ADAM23: variants seen among roughly 807,000 people sequenced by gnomAD.
ADAM23 encodes ADAM metallopeptidase domain 23, also known as disintegrin and metalloproteinase domain-containing protein 23.
A neutral mutation model predicts 120.1 loss-of-function variants in ADAM23; 33 were observed. The observed-to-expected ratio is 0.27, with a 90% CI of 0.21 to 0.37. The LOEUF (loss-of-function observed/expected upper bound fraction) is 0.37, where lower values mean the gene tolerates loss of function less well. ADAM23 is among the 10% of genes least tolerant of loss of function. The pLI is 1.00. For synonymous variants in ADAM23, 367 were observed against 375.2 expected (o/e 0.98, Z 0.25); for missense variants, 862 against 1,058.2 (o/e 0.81, Z 2.57).
Position 206,595,018 on chromosome 2 carries a change from T to A in ADAM23, c.2247+113T>A, listed in dbSNP as rs1698497187. 30 of 1,386,068 alleles carry A rather than the reference T, an allele frequency of 2.2e-5. No homozygotes were observed. The South Asian group carries it at 2.4e-4, about 11-fold the overall frequency. 85.9% of individuals were successfully genotyped at this position (1,386,068 alleles called of 1,614,324 possible). A position where few individuals can be genotyped will look rare whatever the true frequency, so the allele number is the denominator to read the frequency against. On this transcript the variant is annotated intron_variant, in intron 23 of 25. Coordinates refer to ENST00000264377, the MANE Select transcript of ADAM23 (RefSeq NM_003812.4). ...CAACATGGTGAAACACCATCTCTAC[T>A]AAAAATGCAAAAAATAGCTGGGCGT...
chr2:206,539,708 T>C (rs1361844264), intron 4 of ADAM23, among the ~76,000 whole-genome samples: 1 of 152,158 alleles, frequency 6.6e-6, no homozygotes, highest in East Asian at 1.9e-4. Flanking sequence ...TCTGTTATGC[T>C]TGGCACCCAA....
intron 18 of ADAM23, among the ~76,000 whole-genome samples, chr2:206,583,122 T>C (rs553792321): frequency 7.2e-5 from 11 of 152,182 alleles, no homozygotes; most frequent in Non-Finnish European, 1.5e-4. Context: ...GAAGTTTGCC[T>C]CGATTATTCC....
At chr2:206,592,860 A>C (rs1358663209) in intron 22 of ADAM23, 124 bp downstream of exon 22, 1 of 1,201,918 alleles carries the variant, frequency 8.3e-7, no homozygotes, top group Non-Finnish European at 1.1e-6. Flanking sequence ...GTTAATTTAG[A>C]TTTTATTATC....
chr2:206,588,251 GTGATGTTTT>G, intron 20 of ADAM23, 97 bp downstream of exon 20: 1 of 1,288,710 alleles, frequency 7.8e-7, no homozygotes, highest in Admixed American at 2.3e-5. Flanking sequence ...ACAGCTTGGA[GTGATGTTTT>G]AAAAAAATCT....
intron 2 of ADAM23, among the ~76,000 whole-genome samples, chr2:206,448,165 G>A (rs1695119818): frequency 6.6e-6 from 1 of 152,218 alleles, no homozygotes; most frequent in South Asian, 2.1e-4. Context: ...TAAAGTAGAA[G>A]TGGGCACTCC....
chr2:206,604,220 C>A (rs2105859995), intron 24 of ADAM23, among the ~76,000 whole-genome samples: 1 of 152,054 alleles, frequency 6.6e-6, no homozygotes, highest in Admixed American at 6.5e-5. Flanking sequence ...GAGCTGAGAT[C>A]ATGCCACTGC....
At chr2:206,581,304 G>A (rs1574547154) in intron 18 of ADAM23, among the ~76,000 whole-genome samples, 1 of 152,186 alleles carries the variant, frequency 6.6e-6, no homozygotes. Context: ...GTTCCTTGAG[G>A]TATGACCTCA....
chr2:206,550,401 T>G (rs1267886964), intron 9 of ADAM23, among the ~76,000 whole-genome samples: 2 of 152,108 alleles, frequency 1.3e-5, no homozygotes, highest in East Asian at 3.8e-4. Context: ...ATCTTTTGTC[T>G]TCATTTAAAA....
chr2:206,521,695 A>G (rs1445481149), intron 3 of ADAM23, among the ~76,000 whole-genome samples: 1 of 152,198 alleles, frequency 6.6e-6, no homozygotes, highest in African/African-American at 2.4e-5. Context: ...TCACTGAATG[A>G]TGTTGTGAAC....
At chr2:206,574,482 A>G (rs1164677226) in intron 18 of ADAM23, among the ~76,000 whole-genome samples, 1 of 143,774 alleles carries the variant, frequency 7.0e-6, no homozygotes, top group African/African-American at 2.6e-5. Context: ...TCTTTATATG[A>G]TTTATACCCA....
chr2:206,583,778 T>G (rs1488405431), intron 18 of ADAM23, among the ~76,000 whole-genome samples: 2 of 152,182 alleles, frequency 1.3e-5, no homozygotes, highest in African/African-American at 4.8e-5. Context: ...TTTTTTGGAT[T>G]TCCTTGCTTT....
intron 9 of ADAM23, among the ~76,000 whole-genome samples, chr2:206,553,279 T>A (rs1697572074): frequency 6.6e-6 from 1 of 151,610 alleles, no homozygotes; most frequent in Admixed American, 6.6e-5. Context: ...ACAAAAAAAA[T>A]TAAAAAATTA....
Position 206,555,380 on chromosome 2 carries a change from A to T in ADAM23, c.934-2047A>T, listed in dbSNP as rs115753030. ...CCTCACCTTCCACATCCTATACATC[A>T]TCCAGTCGTGGGAGCTCTACCCTCG... On this transcript the variant is annotated intron_variant, in intron 9 of 25. Coordinates refer to ENST00000264377, the MANE Select transcript of ADAM23 (RefSeq NM_003812.4). 3.2e-3 allele frequency among the ~76,000 whole-genome samples: 494 copies of T among 152,122 alleles called. 4 individuals carry two copies. The highest frequency in any genetic ancestry group is 0.011 in the African/African-American group (472 of 41,500).
At chr2:206,561,043 C>T in intron 11 of ADAM23, 85 bp from the exon 12 acceptor site, 1 of 1,151,054 alleles carries the variant, frequency 8.7e-7, no homozygotes, top group South Asian at 1.3e-5. Flanking sequence ...GGGGGTGTTC[C>T]ATGTAGGAGG....
chr2:206,566,855 A>G (rs1335261429), intron 14 of ADAM23, among the ~76,000 whole-genome samples: 3 of 150,870 alleles, frequency 2.0e-5, no homozygotes, highest in African/African-American at 2.4e-5. Context: ...ACAGAGGCAA[A>G]AAAAAAAAAT....
chr2:206,500,315 TA>T (rs2105893020), intron 3 of ADAM23, among the ~76,000 whole-genome samples: 1 of 152,228 alleles, frequency 6.6e-6, no homozygotes, highest in Admixed American at 6.6e-5. Context: ...ATGATTAAAT[TA>T]TATGACTCTC....
intron 2 of ADAM23, among the ~76,000 whole-genome samples, chr2:206,449,685 G>A (rs1238824023): frequency 2.0e-5 from 3 of 152,208 alleles, no homozygotes; most frequent in Non-Finnish European, 4.4e-5. Flanking sequence ...CATGAGAATC[G>A]CTTGATCCCG....
chr2:206,508,175 A>G lies in ADAM23; in HGVS notation c.510-22710A>G, dbSNP rs537302833. Among the ~76,000 whole-genome samples the G allele has an allele frequency of 2.2e-3, 332 of 152,094 alleles. No individual in the cohort carries two copies. In the Middle Eastern group the frequency reaches 0.041, roughly 19 times the overall value. On this transcript the variant is annotated intron_variant, in intron 3 of 25. Coordinates refer to ENST00000264377, the MANE Select transcript of ADAM23 (RefSeq NM_003812.4). ...CTCCCGAGTAGCTGGGACTACAGGC[A>G]TCCACCACCACGCCCAGCTAATTTT... is the stretch of plus-strand genomic sequence containing the variant.
intron 3 of ADAM23, among the ~76,000 whole-genome samples, chr2:206,483,678 G>C (rs1487097952): frequency 6.6e-6 from 1 of 152,160 alleles, no homozygotes; most frequent in Non-Finnish European, 1.5e-5. Flanking sequence ...ATCTGCAGTA[G>C]AGCCATCTAC....
Sources: gnomAD v4.1 joint callset for allele counts (sites outside exome capture counted in the v4.1 genomes callset) on GRCh38, gnomAD v4.1.1 for gene constraint, MANE v1.5 for transcripts, NCBI Gene and HGNC (gene_info 2026-07-23, HGNC 2026-07-21) for gene names.